The following TPD52 variants were observed in gnomAD, a reference collection of about 807,000 sequenced individuals.
TPD52 encodes tumor protein D52, also known as prostate and colon associated protein.
In TPD52, 17 loss-of-function variants were observed where a neutral mutation model predicts 31.3. The observed-to-expected ratio is 0.54, with a 90% CI of 0.37 to 0.82. The LOEUF is 0.82. Ranked by LOEUF, TPD52 falls within the 40% of genes least tolerant of loss-of-function variation. The probability of loss-of-function intolerance (pLI) is 0.00; values close to 1 mark genes in which losing one functional copy is unlikely to be tolerated. For synonymous variants in TPD52, 83 were observed against 89.6 expected (o/e 0.93, Z 0.42); for missense variants, 212 against 240.1 (o/e 0.88, Z 0.77).
chr8:80,059,176 GTAA>G (rs1812225679), intron 2 of TPD52, among the ~76,000 whole-genome samples: 1 of 152,000 alleles, frequency 6.6e-6, no homozygotes, highest in Non-Finnish European at 1.5e-5. Context: ...TCACAACTAT[GTAA>G]TAATCAAACC....
In TPD52 at chr8:80,101,156, A is replaced by G. The variant is rs558343760; in HGVS notation, c.20-36563T>C. 3.9e-5 allele frequency among the ~76,000 whole-genome samples: 6 copies of G among 152,348 alleles called. No individual in the cohort carries two copies. In the South Asian group the frequency reaches 1.2e-3, roughly 32 times the overall value. ...AATGTAGATAACAGATAAACATAATAAAGAATTAAGGCCGGGCGCGGTGGC... is the reference window on the plus strand; with the variant it reads ...AATGTAGATAACAGATAAACATAATGAAGAATTAAGGCCGGGCGCGGTGGC... On this transcript the variant is annotated intron_variant, in intron 1 of 7. Coordinates refer to ENST00000518937, the MANE Select transcript of TPD52 (RefSeq NM_001025253.3).
chr8:80,157,070 T>C (rs1811022830), intron 1 of TPD52, among the ~76,000 whole-genome samples: 1 of 152,100 alleles, frequency 6.6e-6, no homozygotes, highest in Non-Finnish European at 1.5e-5. Flanking sequence ...CCACTTTGGA[T>C]TGGAGGGAAT....
intron 1 of TPD52, among the ~76,000 whole-genome samples, chr8:80,084,792 A>C (rs900231737): frequency 6.6e-6 from 1 of 152,148 alleles, no homozygotes; most frequent in African/African-American, 2.4e-5. Context: ...AATTTTCTCA[A>C]ACTAGAGTTT....
At chr8:80,153,729 G>A (rs764093409) in intron 1 of TPD52, among the ~76,000 whole-genome samples, 12 of 152,176 alleles carry the variant, frequency 7.9e-5, no homozygotes, top group Non-Finnish European at 1.6e-4. Flanking sequence ...TATGATCTTG[G>A]GGAGGTCCTT....
At chr8:80,096,595 C>T in intron 1 of TPD52, among the ~76,000 whole-genome samples, 1 of 152,088 alleles carries the variant, frequency 6.6e-6, no homozygotes, top group East Asian at 1.9e-4. Flanking sequence ...TCACATTTTG[C>T]TAATTCTCTC....
At chr8:80,088,208 G>C (rs1290731737) in intron 1 of TPD52, among the ~76,000 whole-genome samples, 2 of 152,158 alleles carry the variant, frequency 1.3e-5, no homozygotes, top group Non-Finnish European at 2.9e-5. Context: ...AATGGCCCTG[G>C]GGATCTTGCT....
chr8:80,086,365 C>T (rs1384285696), intron 1 of TPD52, among the ~76,000 whole-genome samples: 1 of 151,688 alleles, frequency 6.6e-6, no homozygotes, highest in Non-Finnish European at 1.5e-5. Context: ...GATCCACCCG[C>T]CTCGGTCCCC....
At chr8:80,116,947 A>T (rs1807906259) in intron 1 of TPD52, among the ~76,000 whole-genome samples, 1 of 152,146 alleles carries the variant, frequency 6.6e-6, no homozygotes, top group South Asian at 2.1e-4. Context: ...ATTTGACAAG[A>T]TTCATCACCC....
chr8:80,055,855 A>G (rs1383721139), intron 2 of TPD52, among the ~76,000 whole-genome samples: 1 of 152,204 alleles, frequency 6.6e-6, no homozygotes, highest in African/African-American at 2.4e-5. Flanking sequence ...CACACCTGTT[A>G]TTATGCCTGT....
intron 1 of TPD52, among the ~76,000 whole-genome samples, chr8:80,107,902 A>G (rs778137498): frequency 6.6e-6 from 1 of 152,232 alleles, no homozygotes; most frequent in African/African-American, 2.4e-5. Flanking sequence ...GCTCTGCTAG[A>G]TGTTTAAGAT....
rs1280015991 is a variant in TPD52, at chr8:80,035,206, G to A, written c.*2910C>T. On this transcript the variant is annotated 3_prime_UTR_variant, in exon 8 of 8. Coordinates refer to ENST00000518937, the MANE Select transcript of TPD52 (RefSeq NM_001025253.3). ...AGAGCTATAAATAAAACACATGGCCGGGTGCATGCCTATAGTCCTAGCTAT... is the reference window on the plus strand; with the variant it reads ...AGAGCTATAAATAAAACACATGGCCAGGTGCATGCCTATAGTCCTAGCTAT... 2.0e-5 allele frequency: 3 copies of A among 152,202 alleles called. No individual in the cohort carries two copies. Among genetic ancestry groups the A allele is most frequent in the Non-Finnish European group, 2.9e-5 (2 of 68,038 alleles). The allele number at this position is 152,202 out of a possible 1,614,324, so 9.4% of individuals were successfully genotyped here.
At chr8:80,136,182 A>C (rs921669807) in intron 1 of TPD52, among the ~76,000 whole-genome samples, 13 of 148,534 alleles carry the variant, frequency 8.8e-5, no homozygotes, top group African/African-American at 3.2e-4. Context: ...TTTGAGGTTA[A>C]AAAAAAAACA....
intron 1 of TPD52, among the ~76,000 whole-genome samples, chr8:80,114,310 C>T (rs1007296939): frequency 3.9e-5 from 6 of 152,070 alleles, no homozygotes; most frequent in African/African-American, 1.4e-4. Flanking sequence ...CCCCACTACC[C>T]TACTTTTTAA....
intron 1 of TPD52, among the ~76,000 whole-genome samples, chr8:80,148,969 A>G (rs1399555522): frequency 2.0e-5 from 3 of 152,168 alleles, no homozygotes; most frequent in Non-Finnish European, 4.4e-5. Flanking sequence ...CCAAATTTTT[A>G]GCTGTATCCA....
chr8:80,158,612 C>G (rs901466042), intron 1 of TPD52: 7 of 152,090 alleles, frequency 4.6e-5, no homozygotes, highest in African/African-American at 1.7e-4. Flanking sequence ...CACTGCACTC[C>G]AGGCTGGGCA....
intron 1 of TPD52, among the ~76,000 whole-genome samples, chr8:80,131,569 T>C (rs1360522456): frequency 1.3e-5 from 2 of 152,180 alleles, no homozygotes; most frequent in African/African-American, 4.8e-5. Context: ...TTATGCCTGG[T>C]GGCTTTTGTA....
chr8:80,033,291 G>C (rs1055173032), downstream of TPD52: 7 of 150,808 alleles, frequency 4.6e-5, no homozygotes, highest in Non-Finnish European at 8.9e-5. Flanking sequence ...CCTGCAATGT[G>C]GTGACCGGCG....
At chr8:80,085,263 A>G (rs1001514761) in intron 1 of TPD52, among the ~76,000 whole-genome samples, 7 of 152,232 alleles carry the variant, frequency 4.6e-5, no homozygotes, top group African/African-American at 1.2e-4. Context: ...TAAAGTGCGT[A>G]TGTACTGCAG....
At chr8:80,082,761 C>T (rs781703554) in intron 1 of TPD52, among the ~76,000 whole-genome samples, 9 of 152,212 alleles carry the variant, frequency 5.9e-5, no homozygotes, top group South Asian at 2.1e-4. Flanking sequence ...CTCTCCAGGG[C>T]GCTCTACCGG....
Sources: gnomAD v4.1 joint callset for allele counts (sites outside exome capture counted in the v4.1 genomes callset) on GRCh38, gnomAD v4.1.1 for gene constraint, MANE v1.5 for transcripts, NCBI Gene and HGNC (gene_info 2026-07-23, HGNC 2026-07-21) for gene names.